The following FHIT variants were observed in gnomAD, a reference collection of about 807,000 sequenced individuals.
FHIT encodes the protein bis(5'-adenosyl)-triphosphatase.
In FHIT, 19 loss-of-function variants were observed where a neutral mutation model predicts 17.9. The observed-to-expected ratio is 1.06, with a 90% CI of 0.74 to 1.56. The LOEUF (loss-of-function observed/expected upper bound fraction) is 1.56. FHIT is among the 40% of genes most tolerant of loss of function. The pLI is 0.00. For synonymous variants in FHIT, 81 were observed against 69.7 expected, an observed-to-expected ratio of 1.16 and a Z score of -0.81; for missense variants, 248 against 189.2, an observed-to-expected ratio of 1.31 and a Z score of -1.82.
intron 5 of FHIT, among the ~76,000 whole-genome samples, chr3:60,143,509 C>G (rs1257270915): frequency 6.6e-6 from 1 of 152,100 alleles, no homozygotes; most frequent in Non-Finnish European, 1.5e-5. Context: ...GAGCCATCCA[C>G]TGAGCCCAGC....
At chr3:59,818,605 C>G (rs1017252000) in intron 8 of FHIT, among the ~76,000 whole-genome samples, 1 of 152,122 alleles carries the variant, frequency 6.6e-6, no homozygotes, top group African/African-American at 2.4e-5. Flanking sequence ...ACCCGGCAGC[C>G]CTTTACAAAA....
intron 5 of FHIT, among the ~76,000 whole-genome samples, chr3:60,271,051 C>T (rs1352392011): frequency 6.6e-6 from 1 of 152,160 alleles, no homozygotes; most frequent in Non-Finnish European, 1.5e-5. Flanking sequence ...TAACAGTGGA[C>T]TGCTGCTATT....
At chr3:60,709,336 T>A (rs73099293) in intron 4 of FHIT, among the ~76,000 whole-genome samples, 10,321 of 152,246 alleles carry the variant, frequency 0.068, 498 homozygotes, top group Non-Finnish European at 0.1. Flanking sequence ...TGCATTGTGT[T>A]GTGATATATT....
intron 5 of FHIT, among the ~76,000 whole-genome samples, chr3:60,080,312 T>C (rs541690567): frequency 3.9e-5 from 6 of 152,236 alleles, no homozygotes; most frequent in Non-Finnish European, 8.8e-5. Context: ...GGAGAACCTC[T>C]GCTAGGATAG....
chr3:60,104,219 G>T (rs1394203347), intron 5 of FHIT, among the ~76,000 whole-genome samples: 3 of 152,110 alleles, frequency 2.0e-5, no homozygotes, highest in Admixed American at 6.5e-5. Flanking sequence ...ACCCCTGAGT[G>T]GTCACGTAGC....
At chr3:60,745,604 G>T (rs1290109507) in intron 4 of FHIT, among the ~76,000 whole-genome samples, 9 of 152,158 alleles carry the variant, frequency 5.9e-5, no homozygotes, top group African/African-American at 1.4e-4. Context: ...GTAGATCCAG[G>T]TAGACCAAGT....
intron 4 of FHIT, among the ~76,000 whole-genome samples, chr3:60,586,071 G>T (rs981420118): frequency 6.6e-6 from 1 of 151,874 alleles, no homozygotes; most frequent in African/African-American, 2.4e-5. Flanking sequence ...TGGTTTATAA[G>T]ACACAGCTGA....
At chr3:60,758,366 A>T (rs1699521798) in intron 4 of FHIT, among the ~76,000 whole-genome samples, 1 of 152,216 alleles carries the variant, frequency 6.6e-6, no homozygotes, top group Admixed American at 6.5e-5. Flanking sequence ...CAATGTATGG[A>T]TGCCATCTGT....
At chr3:60,341,760 T>G (rs1710526988) in intron 5 of FHIT, among the ~76,000 whole-genome samples, 1 of 152,176 alleles carries the variant, frequency 6.6e-6, no homozygotes, top group Admixed American at 6.5e-5. Flanking sequence ...TCTTTTTTCT[T>G]TTTGTGTCTT....
intron 4 of FHIT, among the ~76,000 whole-genome samples, chr3:60,613,357 G>T (rs896476500): frequency 6.6e-6 from 1 of 152,150 alleles, no homozygotes. Context: ...TGATACACAG[G>T]AAAGGTAAGT....
At chr3:60,435,060 C>T (rs1435182902) in intron 5 of FHIT, among the ~76,000 whole-genome samples, 2 of 152,084 alleles carry the variant, frequency 1.3e-5, no homozygotes, top group Non-Finnish European at 2.9e-5. Flanking sequence ...ATCAGACCAC[C>T]CCTTATCAGC....
chr3:61,232,294 C>T (rs935618820), intron 1 of FHIT, among the ~76,000 whole-genome samples: 1 of 152,054 alleles, frequency 6.6e-6, no homozygotes, highest in Non-Finnish European at 1.5e-5. Flanking sequence ...GGCTGAGGCA[C>T]GAGAATCGCT....
At chr3:60,379,591 G>A (rs141176442) in intron 5 of FHIT, among the ~76,000 whole-genome samples, 3 of 152,014 alleles carry the variant, frequency 2.0e-5, no homozygotes, top group Non-Finnish European at 2.9e-5. Context: ...CATTTATTTC[G>A]GTATTCAGAG....
intron 4 of FHIT, among the ~76,000 whole-genome samples, chr3:60,555,154 C>A (rs111828480): frequency 6.6e-6 from 1 of 152,168 alleles, no homozygotes; most frequent in Non-Finnish European, 1.5e-5. Context: ...TTGAAGATAA[C>A]CAGATATAAA....
intron 8 of FHIT, among the ~76,000 whole-genome samples, chr3:59,900,478 G>A (rs1353076153): frequency 6.6e-6 from 1 of 152,164 alleles, no homozygotes; most frequent in Non-Finnish European, 1.5e-5. Context: ...CCTTGTGCCT[G>A]CTTTGACTCC....
chr3:59,986,548 C>T (rs1169046968), intron 7 of FHIT, among the ~76,000 whole-genome samples: 1 of 34,518 alleles, frequency 2.9e-5, no homozygotes, highest in African/African-American at 2.0e-4. Flanking sequence ...TATACACACA[C>T]ACACACACAC....
At chr3:60,047,471 C>G (rs979943151) in intron 5 of FHIT, among the ~76,000 whole-genome samples, 2 of 152,194 alleles carry the variant, frequency 1.3e-5, no homozygotes, top group Non-Finnish European at 2.9e-5. Flanking sequence ...AAGCCATGCT[C>G]TTGTAGAAGG....
chr3:60,444,562 A>G (rs1455169770), intron 5 of FHIT, among the ~76,000 whole-genome samples: 18 of 152,246 alleles, frequency 1.2e-4, no homozygotes, highest in African/African-American at 4.3e-4. Context: ...GGATGAAACT[A>G]GAAACCATCA....
At chr3:60,282,012 T>A (rs1378565872) in intron 5 of FHIT, among the ~76,000 whole-genome samples, 3 of 152,150 alleles carry the variant, frequency 2.0e-5, no homozygotes, top group Non-Finnish European at 4.4e-5. Flanking sequence ...TACCAAATAT[T>A]GGCAAGAAAG....
Sources: gnomAD v4.1 joint callset for allele counts (sites outside exome capture counted in the v4.1 genomes callset) on GRCh38, gnomAD v4.1.1 for gene constraint, MANE v1.5 for transcripts, NCBI Gene and HGNC (gene_info 2026-07-23, HGNC 2026-07-21) for gene names.